TTC6: variants seen among roughly 807,000 people sequenced by gnomAD.
TTC6 encodes tetratricopeptide repeat protein 6.
In TTC6, 172 loss-of-function variants were observed where a neutral mutation model predicts 210.4. That is an observed-to-expected ratio of 0.82 (90% CI 0.72 to 0.93). TTC6 has a LOEUF of 0.93. Among genes scored for constraint, TTC6 ranks in the 40% least tolerant of loss-of-function variants. The pLI is 0.00. For synonymous variants in TTC6, 804 were observed against 819.6 expected (o/e 0.98, Z 0.32); for missense variants, 2,414 against 2,318.1 (o/e 1.04, Z -0.85).
intron 15 of TTC6, among the ~76,000 whole-genome samples, chr14:37,790,128 C>T (rs1242343829): frequency 6.6e-6 from 1 of 152,072 alleles, no homozygotes; most frequent in Non-Finnish European, 1.5e-5. Context: ...CATCTCGCAT[C>T]TCGGATAGCT....
At chr14:37,812,226 T>C in intron 24 of TTC6, 88 bp from the exon 27 acceptor site, 1 of 1,344,326 alleles carries the variant, frequency 7.4e-7, no homozygotes, top group Non-Finnish European at 1.0e-6. Flanking sequence ...AACCATTGGG[T>C]CCTAGTTTGG....
At chr14:37,636,254 C>T (rs2095680478) in intron 1 of TTC6, among the ~76,000 whole-genome samples, 1 of 152,110 alleles carries the variant, frequency 6.6e-6, no homozygotes, top group South Asian at 2.1e-4. Flanking sequence ...AACTCAAGGA[C>T]CCTATCAGCC....
At chr14:37,745,070 G>A (rs1468827427) in intron 10 of TTC6, among the ~76,000 whole-genome samples, 1 of 151,848 alleles carries the variant, frequency 6.6e-6, no homozygotes, top group East Asian at 1.9e-4. Flanking sequence ...ATATACATAT[G>A]TGTGTGTGTA....
At chr14:37,767,462 T>A (rs2139149016) in intron 14 of TTC6, among the ~76,000 whole-genome samples, 1 of 152,308 alleles carries the variant, frequency 6.6e-6, no homozygotes, top group African/African-American at 2.4e-5. Flanking sequence ...CCAGCACCTG[T>A]TGTTTCCTGA....
chr14:37,610,717 G>T (rs2095632886), intron 2 of TTC6, among the ~76,000 whole-genome samples: 1 of 152,098 alleles, frequency 6.6e-6, no homozygotes, highest in South Asian at 2.1e-4. Context: ...TCCCAAGATG[G>T]CTACTCTCTG....
At chr14:37,671,753 G>A (rs971665010) in intron 1 of TTC6, among the ~76,000 whole-genome samples, 1 of 152,058 alleles carries the variant, frequency 6.6e-6, no homozygotes, top group Non-Finnish European at 1.5e-5. Context: ...CTCACATGTC[G>A]AGGGAGTGTC....
intron 29 of TTC6, among the ~76,000 whole-genome samples, chr14:37,840,539 C>CA (rs375704511): frequency 0.037 from 5,350 of 145,780 alleles, 118 homozygotes; most frequent in South Asian, 0.06. Flanking sequence ...CACAACAAAA[C>CA]AAAAAAAAAA....
intron 7 of TTC6, among the ~76,000 whole-genome samples, chr14:37,726,829 T>C (rs931344203): frequency 2.0e-5 from 3 of 152,156 alleles, no homozygotes; most frequent in East Asian, 3.8e-4. Flanking sequence ...CAGTAAGCTA[T>C]GTATTTAGTT....
intron 20 of TTC6, among the ~76,000 whole-genome samples, chr14:37,799,117 G>A (rs2096099699): frequency 6.6e-6 from 1 of 151,998 alleles, no homozygotes; most frequent in African/African-American, 2.4e-5. Flanking sequence ...AAGATTGTAA[G>A]GATGTCTTCT....
In TTC6 at chr14:37,823,734, T is replaced by G. The variant is rs1195523693; in HGVS notation, c.4764-13T>G. The G allele has an allele frequency of 2.5e-6, 4 of 1,609,560 alleles. No homozygotes were observed. Among genetic ancestry groups the G allele is most frequent in the Non-Finnish European group, 3.4e-6 (4 of 1,176,784 alleles). On this transcript the variant is annotated splice_polypyrimidine_tract_variant and intron_variant, in intron 26 of 30. Transcript: ENST00000553443. ...GTTCACCAGAAGGCATCAATATTTT[T>G]ATTTATTTGCAGAATTAATGAGTTT...
At chr14:37,645,931 A>G (rs1455872282) in intron 1 of TTC6, among the ~76,000 whole-genome samples, 1 of 152,228 alleles carries the variant, frequency 6.6e-6, no homozygotes, top group Non-Finnish European at 1.5e-5. Flanking sequence ...GTAAAAATTA[A>G]TATAACACCC....
chr14:37,834,308 A>C (rs1691498893), intron 29 of TTC6, among the ~76,000 whole-genome samples: 1 of 152,122 alleles, frequency 6.6e-6, no homozygotes. Context: ...TTGAACTCCC[A>C]AAATTGAATA....
chr14:37,821,882 G>A, intron 26 of TTC6, among the ~76,000 whole-genome samples: 1 of 143,830 alleles, frequency 7.0e-6, no homozygotes. Context: ...CCAGTTTCAA[G>A]CGATTCTCCT....
intron 29 of TTC6, among the ~76,000 whole-genome samples, chr14:37,834,663 A>T (rs867477153): frequency 6.6e-6 from 1 of 152,042 alleles, no homozygotes; most frequent in Admixed American, 6.6e-5. Flanking sequence ...TTCTTTTTCA[A>T]ACATTTCACA....
At chr14:37,721,903 CACATGTATATATGTATATATATAT>C (rs2095862711) in intron 6 of TTC6, among the ~76,000 whole-genome samples, 2 of 138,000 alleles carry the variant, frequency 1.4e-5, no homozygotes, top group Admixed American at 7.3e-5. Context: ...CACATATATA[CACATGTATATATGTATATATATAT>C]ACATATATAT....
At chr14:37,775,563 T>TATATTTTTAC (rs1416266039) in intron 14 of TTC6, among the ~76,000 whole-genome samples, 3 of 152,210 alleles carry the variant, frequency 2.0e-5, no homozygotes, top group African/African-American at 7.2e-5. Flanking sequence ...AGTATTGATT[T>TATATTTTTAC]ATATTTTTAC....
intron 14 of TTC6, among the ~76,000 whole-genome samples, chr14:37,760,065 T>A (rs148809394): frequency 6.6e-6 from 1 of 152,128 alleles, no homozygotes; most frequent in African/African-American, 2.4e-5. Context: ...TTGCAATCAT[T>A]TGGAGAAGAG....
At chr14:37,703,103 G>A (rs2095828604) in intron 5 of TTC6, among the ~76,000 whole-genome samples, 3 of 151,796 alleles carry the variant, frequency 2.0e-5, no homozygotes, top group African/African-American at 7.3e-5. Flanking sequence ...AAAGCTAGGA[G>A]TAGAAAATAA....
intron 1 of TTC6, among the ~76,000 whole-genome samples, chr14:37,635,322 C>T (rs2095678106): frequency 6.6e-6 from 1 of 152,080 alleles, no homozygotes; most frequent in East Asian, 1.9e-4. Context: ...GTATACAAAG[C>T]GATTCACTCA....
Sources: allele counts gnomAD v4.1 joint callset (sites outside exome capture counted in the v4.1 genomes callset), GRCh38; gene constraint gnomAD v4.1.1; transcripts MANE v1.5; gene names NCBI Gene and HGNC (gene_info 2026-07-23, HGNC 2026-07-21).